NBEA: variants seen among roughly 807,000 people sequenced by gnomAD.
NBEA encodes lysosomal-trafficking regulator 2.
A neutral mutation model predicts 343.4 loss-of-function variants in NBEA; 44 were observed. The observed-to-expected ratio is 0.13, with a 90% CI of 0.10 to 0.16. The LOEUF is 0.16. NBEA is among the 10% of genes least tolerant of loss of function. The pLI, the probability that NBEA is intolerant of heterozygous loss-of-function variation, is 1.00. For synonymous variants in NBEA, 1,175 were observed against 1,238.7 expected (o/e 0.95, Z 1.08); for missense variants, 2,555 against 3,631.3 (o/e 0.70, Z 7.62).
intron 17 of NBEA, among the ~76,000 whole-genome samples, chr13:35,128,452 CAAG>C (rs1038373907): frequency 6.6e-5 from 10 of 152,044 alleles, no homozygotes; most frequent in African/African-American, 2.4e-4. Flanking sequence ...CACAAAAAGC[CAAG>C]AAGATCTGAA....
At chr13:35,511,719 C>T (rs2077284105) in intron 41 of NBEA, among the ~76,000 whole-genome samples, 1 of 152,134 alleles carries the variant, frequency 6.6e-6, no homozygotes, top group African/African-American at 2.4e-5. Context: ...TTAATACACT[C>T]TTCAAAGAAG....
intron 20 of NBEA, 104 bp from the exon 21 acceptor site, chr13:35,156,974 G>A (rs1225557536): frequency 1.1e-6 from 1 of 919,968 alleles, no homozygotes; most frequent in Non-Finnish European, 1.6e-6. Context: ...TTGCTTTACT[G>A]AGGTCAGATC....
intron 4 of NBEA, among the ~76,000 whole-genome samples, chr13:35,046,320 A>G (rs1026939259): frequency 1.3e-5 from 2 of 152,110 alleles, no homozygotes; most frequent in Non-Finnish European, 2.9e-5. Context: ...GCTGGATTTT[A>G]TGGTAACTGC....
At chr13:35,137,105 T>C (rs1000377186) in intron 17 of NBEA, among the ~76,000 whole-genome samples, 1 of 152,228 alleles carries the variant, frequency 6.6e-6, no homozygotes, top group Admixed American at 6.5e-5. Flanking sequence ...TGTAACACTT[T>C]GTTGTTTTAT....
At chr13:35,114,139 T>G (rs1434182040) in intron 13 of NBEA, among the ~76,000 whole-genome samples, 3 of 152,180 alleles carry the variant, frequency 2.0e-5, no homozygotes, top group Non-Finnish European at 2.9e-5. Context: ...TTCTTGGTTT[T>G]TGAATGTCAT....
intron 41 of NBEA, among the ~76,000 whole-genome samples, chr13:35,490,824 A>T (rs1469277006): frequency 6.6e-6 from 1 of 151,926 alleles, no homozygotes; most frequent in Non-Finnish European, 1.5e-5. Flanking sequence ...AACACAGAGA[A>T]TTCAAGTAAC....
intron 44 of NBEA, among the ~76,000 whole-genome samples, chr13:35,560,938 GT>G (rs34734394): frequency 0.14 from 22,022 of 152,046 alleles, 1,847 homozygotes; most frequent in East Asian, 0.34. Flanking sequence ...CTGATCTTTG[GT>G]TCCCTACTGC....
Position 35,184,056 on chromosome 13 carries a change from C to T in NBEA, c.4912C>T (p.His1638Tyr), listed in dbSNP as rs773570997. The change falls in exon 30 of 59, where the codon CAC (histidine) becomes TAC (tyrosine). Residue 1638 changes from histidine to tyrosine, a missense_variant. Coordinates refer to ENST00000379939, the MANE Select transcript of NBEA (RefSeq NM_001385012.1). ...GTTAATTCCTGAGCAGAGCTTTGGC[C>T]ACTCATTTTACAAAGGTAATACTGA... ...AKLIPEQSFG[H>Y]SFYKETPAAF... 1.1e-5 allele frequency: 17 copies of T among 1,610,446 alleles called. No individual in the cohort carries two copies. Among genetic ancestry groups the T allele is most frequent in the Non-Finnish European group, 1.4e-5 (17 of 1,177,480 alleles).
chr13:35,065,197 G>A (rs1353956774), intron 8 of NBEA, among the ~76,000 whole-genome samples: 1 of 151,716 alleles, frequency 6.6e-6, no homozygotes, highest in Non-Finnish European at 1.5e-5. Context: ...TTTGTAAGGG[G>A]CTTTATACTT....
intron 37 of NBEA, among the ~76,000 whole-genome samples, chr13:35,351,747 G>A (rs983354696): frequency 6.6e-6 from 1 of 151,834 alleles, no homozygotes; most frequent in African/African-American, 2.4e-5. Context: ...TTCATGAAAT[G>A]GAAAATATAA....
intron 38 of NBEA, among the ~76,000 whole-genome samples, chr13:35,392,856 A>G (rs2042571231): frequency 6.6e-6 from 1 of 152,216 alleles, no homozygotes; most frequent in Non-Finnish European, 1.5e-5. Flanking sequence ...GAGGTGCAGA[A>G]GTTAAAAACT....
At chr13:35,526,186 A>G (rs1216401592) in intron 41 of NBEA, among the ~76,000 whole-genome samples, 5 of 152,220 alleles carry the variant, frequency 3.3e-5, no homozygotes, top group Non-Finnish European at 7.3e-5. Flanking sequence ...ATAGTTATAT[A>G]TTAAGAACTT....
intron 51 of NBEA, among the ~76,000 whole-genome samples, chr13:35,647,705 T>C (rs1254468777): frequency 1.3e-5 from 2 of 152,066 alleles, no homozygotes. Context: ...TAGCCGGGAT[T>C]ACAGGTGTGC....
intron 46 of NBEA, among the ~76,000 whole-genome samples, chr13:35,584,312 AC>A (rs1456218913): frequency 1.4e-5 from 2 of 142,196 alleles, no homozygotes; most frequent in East Asian, 2.2e-4. Context: ...TTGAGTACAT[AC>A]CTTTTTTTTT....
At chr13:35,172,970 G>A (rs1201921806) in intron 26 of NBEA, among the ~76,000 whole-genome samples, 3 of 152,082 alleles carry the variant, frequency 2.0e-5, no homozygotes, top group African/African-American at 7.2e-5. Flanking sequence ...CACCATGAAG[G>A]AAGGTGAATT....
chr13:35,635,929 T>C (rs1358244886), intron 49 of NBEA, among the ~76,000 whole-genome samples: 4 of 152,226 alleles, frequency 2.6e-5, no homozygotes, highest in African/African-American at 9.6e-5. Context: ...TTATGTGACT[T>C]GTGCTTCTTT....
chr13:35,069,348 A>G (rs1171905002), intron 8 of NBEA, among the ~76,000 whole-genome samples: 1 of 152,078 alleles, frequency 6.6e-6, no homozygotes, highest in Non-Finnish European at 1.5e-5. Flanking sequence ...TGTGTTTCAT[A>G]AAAAGTAATA....
chr13:35,278,995 A>T (rs1025815025), intron 34 of NBEA, among the ~76,000 whole-genome samples: 3 of 152,132 alleles, frequency 2.0e-5, no homozygotes, highest in African/African-American at 7.2e-5. Flanking sequence ...CTGTTTTTCC[A>T]CTAACTTTAA....
chr13:35,669,307 T>G lies in NBEA; in HGVS notation c.8813+788T>G, dbSNP rs554670628. Among the ~76,000 whole-genome samples the G allele has an allele frequency of 3.9e-5, 6 of 152,324 alleles. No individual in the cohort carries two copies. The South Asian group carries it at 8.3e-4, about 21-fold the overall frequency. ...CTGAATATGGCATGTGATTTCTAAT[T>G]TTTGCTATTTAACAGAAATAAGAAA... On this transcript the variant is annotated intron_variant, in intron 58 of 58. Transcript: ENST00000379939.
Sources: gnomAD v4.1 joint callset for allele counts (sites outside exome capture counted in the v4.1 genomes callset) on GRCh38, gnomAD v4.1.1 for gene constraint, MANE v1.5 for transcripts, NCBI Gene and HGNC (gene_info 2026-07-23, HGNC 2026-07-21) for gene names.